DMD: variants seen among roughly 807,000 people sequenced by gnomAD.
DMD encodes mutant dystrophin.
Under a neutral mutation model 330.1 loss-of-function variants are expected in DMD, and 63 were observed. That is an observed-to-expected ratio of 0.19 (90% CI 0.16 to 0.24). The LOEUF (loss-of-function observed/expected upper bound fraction) is 0.24, where lower values mean the gene tolerates loss of function less well. Ranked by LOEUF, DMD falls within the 10% of genes least tolerant of loss-of-function variation. The probability of loss-of-function intolerance (pLI) is 1.00; values close to 1 mark genes in which losing one functional copy is unlikely to be tolerated. For synonymous variants in DMD, 1,223 were observed against 959.8 expected (o/e 1.27, Z -5.07); for missense variants, 3,344 against 2,684.1 (o/e 1.25, Z -5.43).
chrX:31,215,988 CAT>C (rs1168346457), intron 64 of DMD, among the ~76,000 whole-genome samples: 1 of 112,429 alleles, frequency 8.9e-6, no homozygotes, highest in East Asian at 2.8e-4. Context: ...TTTTGTGTCT[CAT>C]GTGTATTTCC....
intron 55 of DMD, among the ~76,000 whole-genome samples, chrX:31,622,843 A>ATT (rs35490289): frequency 1.4e-5 from 1 of 72,057 alleles, no homozygotes; most frequent in Non-Finnish European, 2.5e-5. Flanking sequence ...TCTCAGAAAA[A>ATT]TTTTATATAT....
chrX:33,249,120 C>T (rs1041737851), intron 1 of DMD, among the ~76,000 whole-genome samples: 9 of 112,138 alleles, frequency 8.0e-5, no homozygotes, highest in Non-Finnish European at 1.7e-4. Context: ...CCCAAATAAC[C>T]ACCCTTTATT....
chrX:32,872,588 G>T (rs1378256005), intron 2 of DMD, among the ~76,000 whole-genome samples: 3 of 112,227 alleles, frequency 2.7e-5, no homozygotes, highest in African/African-American at 9.7e-5. Context: ...AACTGAAAAA[G>T]AATTTTAAGG....
At chrX:32,058,821 CAGT>C (rs897105246) in intron 44 of DMD, among the ~76,000 whole-genome samples, 6 of 111,503 alleles carry the variant, frequency 5.4e-5, no homozygotes, top group African/African-American at 2.0e-4. Context: ...AGCATTTTTA[CAGT>C]AGCCAAGAGG....
At chrX:31,322,267 A>G (rs1365528727) in intron 62 of DMD, among the ~76,000 whole-genome samples, 1 of 112,039 alleles carries the variant, frequency 8.9e-6, no homozygotes, top group Non-Finnish European at 1.9e-5. Flanking sequence ...CACTGTCTAG[A>G]GTTTGAAGAA....
chrX:32,717,160 T>C (rs1189643854), intron 7 of DMD, among the ~76,000 whole-genome samples: 1 of 111,241 alleles, frequency 9.0e-6, no homozygotes, highest in Admixed American at 9.5e-5. Context: ...GAACTGAATG[T>C]TAATAACCAA....
intron 44 of DMD, among the ~76,000 whole-genome samples, chrX:32,165,136 G>T (rs1441846997): frequency 8.9e-6 from 1 of 112,308 alleles, no homozygotes; most frequent in African/African-American, 3.2e-5. Flanking sequence ...AGTCCCCACT[G>T]GGGCACTGCC....
intron 60 of DMD, among the ~76,000 whole-genome samples, chrX:31,354,043 C>A (rs913138838): frequency 8.9e-6 from 1 of 112,032 alleles, no homozygotes; most frequent in African/African-American, 3.2e-5. Flanking sequence ...AGGGTCTATT[C>A]TTCAGAACTA....
chrX:31,203,902 T>C (rs1301179633), intron 67 of DMD, 59 bp downstream of exon 67: 10 of 1,085,929 alleles, frequency 9.2e-6, no homozygotes, highest in African/African-American at 3.7e-5. Context: ...TGTGGGTTTT[T>C]TAATTAATTT....
At chrX:33,031,975 A>G (rs2094123115) in intron 1 of DMD, among the ~76,000 whole-genome samples, 1 of 112,124 alleles carries the variant, frequency 8.9e-6, no homozygotes, top group South Asian at 3.7e-4. Flanking sequence ...CAGTATTATT[A>G]TTCCTGACTA....
chrX:32,481,257 AG>A (rs2041865435), intron 21 of DMD, among the ~76,000 whole-genome samples: 1 of 111,202 alleles, frequency 9.0e-6, no homozygotes, highest in Non-Finnish European at 1.9e-5. Flanking sequence ...CACCTCTTCA[AG>A]GGTTGAAATG....
At chrX:31,507,053 T>C (rs2071021935) in intron 56 of DMD, among the ~76,000 whole-genome samples, 1 of 112,102 alleles carries the variant, frequency 8.9e-6, no homozygotes, top group South Asian at 3.7e-4. Flanking sequence ...TTAATATGCA[T>C]GTCTCCTATG....
At chrX:32,062,129 T>G (rs1186192749) in intron 44 of DMD, among the ~76,000 whole-genome samples, 1 of 111,259 alleles carries the variant, frequency 9.0e-6, no homozygotes, top group Non-Finnish European at 1.9e-5. Flanking sequence ...AACTGATAGC[T>G]GATTACAGTG....
chrX:31,688,681 G>A (rs2082875116), intron 52 of DMD, among the ~76,000 whole-genome samples: 1 of 111,354 alleles, frequency 9.0e-6, no homozygotes, highest in African/African-American at 3.3e-5. Flanking sequence ...GAGAATTTTA[G>A]ACAAATATCC....
intron 12 of DMD, among the ~76,000 whole-genome samples, chrX:32,612,527 C>T (rs952842621): frequency 1.8e-5 from 2 of 111,459 alleles, no homozygotes; most frequent in Non-Finnish European, 3.8e-5. Context: ...CTTCCAATGT[C>T]GCCCAGGGAA....
At chrX:31,258,143 T>C (rs1020582965) in intron 63 of DMD, among the ~76,000 whole-genome samples, 2 of 112,258 alleles carry the variant, frequency 1.8e-5, no homozygotes, top group African/African-American at 6.5e-5. Flanking sequence ...AACATAAATA[T>C]ACTTTACCTA....
intron 1 of DMD, among the ~76,000 whole-genome samples, chrX:33,104,120 A>G (rs943327628): frequency 1.3e-4 from 15 of 112,022 alleles, no homozygotes; most frequent in Non-Finnish European, 2.6e-4. Flanking sequence ...ATTGATTTAC[A>G]TAACAGACTC....
intron 59 of DMD, among the ~76,000 whole-genome samples, chrX:31,476,416 T>TACAC (rs1237338648): frequency 4.7e-4 from 46 of 98,787 alleles, no homozygotes; most frequent in Non-Finnish European, 8.4e-4. Flanking sequence ...TATATATATA[T>TACAC]ATATACACAC....
chrX:31,621,832 C>T (rs2078545480), intron 55 of DMD, among the ~76,000 whole-genome samples: 1 of 111,987 alleles, frequency 8.9e-6, no homozygotes, highest in Non-Finnish European at 1.9e-5. Flanking sequence ...CAGATTCTCA[C>T]ACTACCACAC....
Sources: allele counts gnomAD v4.1 joint callset (sites outside exome capture counted in the v4.1 genomes callset), GRCh38; gene constraint gnomAD v4.1.1; transcripts MANE v1.5; gene names NCBI Gene and HGNC (gene_info 2026-07-23, HGNC 2026-07-21).